Variants in ABLIM2 observed in about 807,000 individuals in gnomAD.
The protein encoded by ABLIM2 is actin binding LIM protein family member 2, also known as actin-binding LIM protein 2.
Under a neutral mutation model 97.7 loss-of-function variants are expected in ABLIM2, and 53 were observed. The ratio of observed to expected loss-of-function variants is 0.54; its 90% CI spans 0.44 to 0.68. The LOEUF is 0.68. ABLIM2 is among the 30% of genes least tolerant of loss of function. The pLI is 0.00. For synonymous variants in ABLIM2, 361 were observed against 345.8 expected (o/e 1.04, Z -0.49); for missense variants, 835 against 867.2 (o/e 0.96, Z 0.47).
At position 7,978,078 on chromosome 4, in the gene ABLIM2, TTAAGA is replaced by T. The variant is rs909713623; in HGVS notation, c.1824+5181_1824+5185del. Among the ~76,000 whole-genome samples the T allele has an allele frequency of 3.3e-4, 50 of 152,246 alleles. No homozygotes were observed. The Middle Eastern group carries it at 0.014, about 41-fold the overall frequency. ...GTATTTTTCTGGACTTTTATGACAG[TTAAGA>T]TTTTTTAAATATATATTAAAAATAA... On this transcript the variant is annotated intron_variant, in intron 20 of 20. Transcript: ENST00000447017.
intron 14 of ABLIM2, chr4:8,010,395 G>T: frequency 7.1e-6 from 7 of 985,846 alleles, no homozygotes; most frequent in Non-Finnish European, 8.4e-6. Context: ...GAAGACCCAG[G>T]CCTCAGGAAG....
rs753615582 is a variant in ABLIM2, at chr4:8,061,930, C to T, written c.676-876G>A. 1.3e-5 allele frequency among the ~76,000 whole-genome samples: 2 copies of T among 152,194 alleles called. No homozygotes were observed. The highest frequency in any genetic ancestry group is 1.9e-4 in the East Asian group (1 of 5,194). On this transcript the variant is annotated intron_variant, in intron 6 of 20. Coordinates refer to ENST00000447017, the MANE Select transcript of ABLIM2 (RefSeq NM_001130083.2). This position sits in a 1 kb window ranked among gnomAD's most constrained non-coding sequence, Gnocchi z 4.5. ...GCCTTCCCTAGGATGAAAACAGCCC[C>T]GAGATGGCCCCTGTGTATTGGGAGG...
intron 3 of ABLIM2, among the ~76,000 whole-genome samples, chr4:8,088,565 C>T (rs969191357): frequency 1.3e-5 from 2 of 152,242 alleles, no homozygotes; most frequent in African/African-American, 4.8e-5. Flanking sequence ...GAGGGCCAGC[C>T]CAGTGCTTGG....
chr4:8,044,374 C>T lies in ABLIM2; in HGVS notation c.900+790G>A, dbSNP rs1205924171. Among the ~76,000 whole-genome samples the T allele has an allele frequency of 1.3e-5, 2 of 151,738 alleles. No individual in the cohort carries two copies. Among genetic ancestry groups the T allele is most frequent in the African/African-American group, 2.4e-5 (1 of 41,278 alleles). On this transcript the variant is annotated intron_variant, in intron 9 of 20. Transcript: ENST00000447017. This position sits in a 1 kb window ranked among gnomAD's most constrained non-coding sequence, Gnocchi z 4.4. The stretch of plus-strand genomic sequence containing the variant: ...CCCTCACCTGGCGCCTGGGGGTCCT[C>T]GCCTAGATAAGGAATTTTGGTATTT...
At chr4:8,137,250 G>C (rs1348494737) in intron 1 of ABLIM2, among the ~76,000 whole-genome samples, 1 of 152,194 alleles carries the variant, frequency 6.6e-6, no homozygotes, top group Non-Finnish European at 1.5e-5. Context: ...CTCTGCTTTA[G>C]GGGCTCACTG....
rs187565267 is a variant in ABLIM2, at chr4:8,124,524, C to G, written c.11-17887G>C. Among the ~76,000 whole-genome samples the G allele has an allele frequency of 1.3e-5, 2 of 152,298 alleles. No homozygotes were observed. The highest frequency in any genetic ancestry group is 2.9e-5 in the Non-Finnish European group (2 of 68,034). On this transcript the variant is annotated intron_variant, in intron 1 of 20. Coordinates refer to ENST00000447017, the MANE Select transcript of ABLIM2 (RefSeq NM_001130083.2). The surrounding 1 kb of genome is among the most constrained non-coding windows in gnomAD (Gnocchi z 6.1). ...TCCCACACTGCGTGGTCCTTCGCGA[C>G]TGGCTTCTTTCACTCGGCGTCATGT...
intron 3 of ABLIM2, among the ~76,000 whole-genome samples, chr4:8,091,604 ATATTATGTATAATT>A (rs1177965397): frequency 3.8e-4 from 22 of 57,614 alleles, no homozygotes; most frequent in African/African-American, 1.9e-3. Context: ...ATAATTATAT[ATATTATGTATAATT>A]TTATATAAAA....
chr4:8,104,304 C>T (rs1245227408), intron 2 of ABLIM2, among the ~76,000 whole-genome samples: 2 of 152,236 alleles, frequency 1.3e-5, no homozygotes, highest in African/African-American at 4.8e-5. Flanking sequence ...CTGTTCACTT[C>T]GTTGTTCTTC....
In ABLIM2 at chr4:8,032,739, G is replaced by T. The variant is rs1781763660; in HGVS notation, c.1048-2963C>A. The T allele has an allele frequency of 1.9e-6, 3 of 1,595,524 alleles. No homozygotes were observed. The highest frequency in any genetic ancestry group is 3.3e-5 in the Admixed American group (2 of 59,828). On this transcript the variant is annotated intron_variant, in intron 10 of 20. Coordinates refer to ENST00000447017, the MANE Select transcript of ABLIM2 (RefSeq NM_001130083.2). The surrounding 1 kb of genome is among the most constrained non-coding windows in gnomAD (Gnocchi z 4.3). ...CTGGCGCCAGGCAGAGAGGGAGGAG[G>T]GCAGTTCCGTGACTGGCAGGCAACA...
intron 9 of ABLIM2, among the ~76,000 whole-genome samples, chr4:8,036,622 C>T (rs555576826): frequency 6.6e-6 from 1 of 152,304 alleles, no homozygotes; most frequent in South Asian, 2.1e-4. Flanking sequence ...GGTCCTGAGG[C>T]CCAGCCACAA....
intron 12 of ABLIM2, among the ~76,000 whole-genome samples, chr4:8,020,989 T>C (rs1773296943): frequency 6.6e-6 from 1 of 151,754 alleles, no homozygotes; most frequent in African/African-American, 2.4e-5. Context: ...CCCAAGTTGC[T>C]GGGACCACAG....
chr4:8,114,425 G>A lies in ABLIM2; in HGVS notation c.11-7788C>T, dbSNP rs752730959. Among the ~76,000 whole-genome samples the A allele has an allele frequency of 3.3e-5, 5 of 152,130 alleles. No homozygotes were observed. In the East Asian group the frequency reaches 5.8e-4, roughly 18 times the overall value. Reference sequence around the variant, plus strand: ...TCTTTTCGGGGACTTACAAACCCCCGCCCGTGCCTTACAGTGTGTCCCCTC... The same window carrying A: ...TCTTTTCGGGGACTTACAAACCCCCACCCGTGCCTTACAGTGTGTCCCCTC... On this transcript the variant is annotated intron_variant, in intron 1 of 20. Coordinates refer to ENST00000447017, the MANE Select transcript of ABLIM2 (RefSeq NM_001130083.2).
Position 8,080,696 on chromosome 4 carries a change from C to T in ABLIM2, c.561G>A (p.Leu187=), listed in dbSNP as rs1009872073. ...CTTACTTGCTGATGTACTCGGCATTCAGGAGCTTCCCACAGCTCTTGCACT... is the reference window on the plus strand; with the variant it reads ...CTTACTTGCTGATGTACTCGGCATTTAGGAGCTTCCCACAGCTCTTGCACT... ...CFKCKSCGKL[L]NAEYISKDGL... is the part of the protein sequence containing the mutation. Residue 187 remains leucine (L), a synonymous_variant, in exon 5 of 21, where the codon CTG becomes CTA. Transcript: ENST00000447017. 1 of 1,610,100 alleles carries T rather than the reference C, an allele frequency of 6.2e-7. No homozygotes were observed. Among genetic ancestry groups the T allele is most frequent in the Non-Finnish European group, 8.5e-7 (1 of 1,177,200 alleles).
intron 9 of ABLIM2, among the ~76,000 whole-genome samples, chr4:8,041,107 A>T (rs1229706810): frequency 6.6e-6 from 1 of 152,238 alleles, no homozygotes; most frequent in Non-Finnish European, 1.5e-5. Flanking sequence ...CCGAGCAGGA[A>T]GTCCATCAAA....
chr4:7,966,848 C>T lies in ABLIM2; in HGVS notation c.*142G>A, dbSNP rs1164629415. ...GTGTCGCCGGCAGGTGCAGGGGCCG[C>T]ACCTGCTGGGGGACCCCCTCCCGCC... On this transcript the variant is annotated 3_prime_UTR_variant, in exon 21 of 21. Transcript: ENST00000447017. 1.8e-6 allele frequency: 1 copy of T among 556,754 alleles called. No homozygotes were observed. The highest frequency in any genetic ancestry group is 3.2e-5 in the East Asian group (1 of 31,566). 34.5% of individuals were successfully genotyped at this position (556,754 alleles called of 1,614,324 possible).
intron 20 of ABLIM2, among the ~76,000 whole-genome samples, chr4:7,974,742 C>T (rs1731590086): frequency 6.6e-6 from 1 of 152,112 alleles, no homozygotes; most frequent in African/African-American, 2.4e-5. Flanking sequence ...CCCACCCATG[C>T]ATCCACTCAT....
chr4:8,154,170 G>A (rs1466310966), intron 1 of ABLIM2, among the ~76,000 whole-genome samples: 4 of 151,362 alleles, frequency 2.6e-5, no homozygotes, highest in Non-Finnish European at 5.9e-5. Context: ...CACTGTGTTA[G>A]CCAGGATGGT....
intron 1 of ABLIM2, among the ~76,000 whole-genome samples, chr4:8,151,639 G>A (rs1041015943): frequency 7.2e-5 from 11 of 152,252 alleles, no homozygotes; most frequent in Middle Eastern, 3.4e-3. Context: ...GGGGTGGGGC[G>A]GTGGTGTCAG....
rs1280208966 is a variant in ABLIM2 at position 8,113,651 on chromosome 4, C to A, written c.11-7014G>T. On this transcript the variant is annotated intron_variant, in intron 1 of 20. Transcript: ENST00000447017. The surrounding 1 kb of genome is among the most constrained non-coding windows in gnomAD (Gnocchi z 4.5). ...GGGGTCCACCCATGGCAGGGGTTCT[C>A]ATCGGAGGCCCGCTCCATCCGCCAA... is the stretch of plus-strand genomic sequence containing the variant. Among the ~76,000 whole-genome samples the A allele has an allele frequency of 6.6e-6, 1 of 152,218 alleles. No homozygotes were observed. Among genetic ancestry groups the A allele is most frequent in the African/African-American group, 2.4e-5 (1 of 41,458 alleles).
Sources: allele counts gnomAD v4.1 joint callset (sites outside exome capture counted in the v4.1 genomes callset), GRCh38; gene constraint gnomAD v4.1.1; non-coding constraint Gnocchi (gnomAD v3.1); transcripts MANE v1.5; gene names NCBI Gene and HGNC (gene_info 2026-07-23, HGNC 2026-07-21).